Variants in CTNNA3 observed in about 807,000 individuals in gnomAD.
CTNNA3 encodes the protein catenin alpha-3.
Under a neutral mutation model 95.7 loss-of-function variants are expected in CTNNA3, and 76 were observed. The ratio of observed to expected loss-of-function variants is 0.79; its 90% CI spans 0.66 to 0.96. The LOEUF (loss-of-function observed/expected upper bound fraction) is 0.96. Ranked by LOEUF, CTNNA3 falls within the 40% of genes least tolerant of loss-of-function variation. The pLI, the probability that CTNNA3 is intolerant of heterozygous loss-of-function variation, is 0.00. For missense variants in CTNNA3, 1,191 were observed against 1,089.8 expected (o/e 1.09, Z -1.31); for synonymous variants, 431 against 374.4 (o/e 1.15, Z -1.74).
chr10:66,403,929 A>G (rs72804802), intron 11 of CTNNA3, among the ~76,000 whole-genome samples: 9,221 of 152,250 alleles, frequency 0.061, 395 homozygotes, highest in East Asian at 0.1. Context: ...CCTTGTTTGG[A>G]GACTGAAACT....
intron 5 of CTNNA3, among the ~76,000 whole-genome samples, chr10:67,459,983 G>A (rs544873831): frequency 8.6e-5 from 13 of 152,020 alleles, no homozygotes; most frequent in African/African-American, 2.7e-4. Flanking sequence ...CATTGTTATC[G>A]TAGCTTCTAC....
intron 5 of CTNNA3, among the ~76,000 whole-genome samples, chr10:67,277,992 C>T (rs1344836045): frequency 6.6e-6 from 1 of 152,096 alleles, no homozygotes; most frequent in African/African-American, 2.4e-5. Flanking sequence ...CTATGGACTG[C>T]CATTCTTTTA....
intron 3 of CTNNA3, among the ~76,000 whole-genome samples, chr10:67,552,662 C>T (rs1017782531): frequency 1.3e-5 from 2 of 151,956 alleles, no homozygotes; most frequent in African/African-American, 4.8e-5. Flanking sequence ...CTGATGCTCT[C>T]CCTCCCCAAC....
intron 7 of CTNNA3, among the ~76,000 whole-genome samples, chr10:66,820,095 T>G (rs2132288746): frequency 6.6e-6 from 1 of 151,874 alleles, no homozygotes; most frequent in South Asian, 2.1e-4. Context: ...CCCAAATGTC[T>G]TTAATTGATG....
At chr10:66,968,370 G>A (rs986518227) in intron 7 of CTNNA3, among the ~76,000 whole-genome samples, 5 of 148,212 alleles carry the variant, frequency 3.4e-5, no homozygotes, top group East Asian at 2.0e-4. Context: ...AAAACACATC[G>A]AAAAAAGATA....
intron 7 of CTNNA3, among the ~76,000 whole-genome samples, chr10:66,903,213 C>T (rs1481642634): frequency 6.6e-6 from 1 of 152,174 alleles, no homozygotes; most frequent in African/African-American, 2.4e-5. Flanking sequence ...AGATTCAAGG[C>T]TGGTTCAACA....
upstream of CTNNA3, among the ~76,000 whole-genome samples, chr10:67,696,363 T>C (rs1006990830): frequency 6.6e-6 from 1 of 152,228 alleles, no homozygotes; most frequent in African/African-American, 2.4e-5. Flanking sequence ...CTCTAGTTCC[T>C]TTCCAAAAGA....
At chr10:67,737,570 C>A (rs943889174) in intron 1 of CTNNA3, among the ~76,000 whole-genome samples, 3 of 152,090 alleles carry the variant, frequency 2.0e-5, no homozygotes, top group Admixed American at 2.0e-4. Flanking sequence ...AGTTTTTTGG[C>A]AACCCCATCA....
chr10:66,621,761 C>T lies in CTNNA3; in HGVS notation c.1305G>A (p.Met435Ile). 1 of 1,609,958 alleles carries T rather than the reference C, an allele frequency of 6.2e-7. No individual in the cohort carries two copies. Among genetic ancestry groups the T allele is most frequent in the Non-Finnish European group, 8.5e-7 (1 of 1,178,290 alleles). The stretch of plus-strand genomic sequence containing the variant: ...TTTTAATTCCATCTTCATTTGTTGA[C>T]ATGGAACAAGCAAGATTTGCCACCT... ...LVEVANLACS[M>I]STNEDGIKIV... is the part of the protein sequence containing the mutation. Residue 435 changes from methionine (M) to isoleucine (I), a missense_variant, in exon 10 of 18, where the codon ATG (methionine) becomes ATA (isoleucine). Transcript: ENST00000433211.
chr10:67,513,116 T>C (rs1839693555), intron 5 of CTNNA3, among the ~76,000 whole-genome samples: 1 of 152,238 alleles, frequency 6.6e-6, no homozygotes, highest in Non-Finnish European at 1.5e-5. Context: ...GCATCTTTGT[T>C]GTTCCTGCAG....
At chr10:67,596,963 T>C (rs1232303742) in intron 3 of CTNNA3, among the ~76,000 whole-genome samples, 1 of 152,230 alleles carries the variant, frequency 6.6e-6, no homozygotes, top group Non-Finnish European at 1.5e-5. Flanking sequence ...TCTCCTTTTT[T>C]GTCTTTTTCC....
intron 7 of CTNNA3, among the ~76,000 whole-genome samples, chr10:67,069,872 A>G (rs1158504958): frequency 1.3e-5 from 2 of 152,160 alleles, no homozygotes; most frequent in African/African-American, 2.4e-5. Context: ...GGGCTGTTTG[A>G]ACACTTTTGT....
chr10:66,926,328 T>G, intron 7 of CTNNA3: 4 of 490,092 alleles, frequency 8.2e-6, no homozygotes, highest in East Asian at 4.0e-5. Flanking sequence ...GTAATATCCA[T>G]GAAGATCCTA....
At chr10:66,304,836 T>C (rs7085547) in intron 12 of CTNNA3, among the ~76,000 whole-genome samples, 85,230 of 151,996 alleles carry the variant, frequency 0.56, 24,198 homozygotes, top group East Asian at 0.67. Flanking sequence ...GACAGGACCA[T>C]GAGGTAAGGT....
At chr10:67,188,089 C>G (rs138865810) in intron 6 of CTNNA3, among the ~76,000 whole-genome samples, 1 of 152,130 alleles carries the variant, frequency 6.6e-6, no homozygotes, top group Admixed American at 6.5e-5. Flanking sequence ...AAGAAAATCA[C>G]AAAAATACGT....
intron 9 of CTNNA3, among the ~76,000 whole-genome samples, chr10:66,705,519 T>C (rs1405207500): frequency 6.6e-6 from 1 of 152,044 alleles, no homozygotes; most frequent in Non-Finnish European, 1.5e-5. Flanking sequence ...AAGATATAAA[T>C]GTTAGCTGGA....
intron 11 of CTNNA3, among the ~76,000 whole-genome samples, chr10:66,473,614 C>A (rs1162465326): frequency 2.0e-5 from 3 of 151,702 alleles, no homozygotes; most frequent in Non-Finnish European, 4.4e-5. Flanking sequence ...GTGCTGCACC[C>A]ATTAACTCGT....
intron 13 of CTNNA3, among the ~76,000 whole-genome samples, chr10:66,115,651 G>A (rs1222455361): frequency 6.9e-6 from 1 of 144,932 alleles, no homozygotes; most frequent in Non-Finnish European, 1.5e-5. Context: ...AAACTGACAC[G>A]ATGTCTTTTA....
chr10:66,621,902 C>T, intron 9 of CTNNA3, 118 bp from the exon 10 acceptor site: 1 of 544,096 alleles, frequency 1.8e-6, no homozygotes, highest in Non-Finnish European at 3.2e-6. Context: ...AAATAACATT[C>T]TCAAAATCAT....
Sources: allele counts gnomAD v4.1 joint callset (sites outside exome capture counted in the v4.1 genomes callset), GRCh38; gene constraint gnomAD v4.1.1; transcripts MANE v1.5; gene names NCBI Gene and HGNC (gene_info 2026-07-23, HGNC 2026-07-21).